Variants in DAGLB observed in about 807,000 individuals in gnomAD.
The protein encoded by DAGLB is diacylglycerol lipase beta.
DAGLB carries 66 observed loss-of-function variants against 72.1 expected under a neutral mutation model. The ratio of observed to expected loss-of-function variants is 0.92; its 90% CI spans 0.75 to 1.12. The LOEUF (loss-of-function observed/expected upper bound fraction) is 1.12, where lower values mean the gene tolerates loss of function less well. Ranked by LOEUF, DAGLB falls within the 50% of genes most tolerant of loss-of-function variation. The pLI is 0.00. For synonymous variants in DAGLB, 414 were observed against 359.5 expected, an observed-to-expected ratio of 1.15 and a Z score of -1.71; for missense variants, 1,065 against 884.9, an observed-to-expected ratio of 1.20 and a Z score of -2.58.
At chr7:6,430,443 A>T in intron 6 of DAGLB, 37 bp downstream of exon 6, 1 of 1,422,356 alleles carries the variant, frequency 7.0e-7, no homozygotes, top group Non-Finnish European at 9.3e-7. Flanking sequence ...TTTTTAAGGG[A>T]AATATGGCTA....
chr7:6,421,980 A>G, intron 8 of DAGLB, 176 bp from the exon 9 acceptor site: 1 of 742,478 alleles, frequency 1.3e-6, no homozygotes, highest in Non-Finnish European at 2.3e-6. Context: ...GTGGCTCCTG[A>G]GGGCCCTGAT....
rs1379222612 is a variant in DAGLB, at chr7:6,409,973, T to C, written c.1883A>G (p.Lys628Arg). 11 of 1,614,140 alleles carry C rather than the reference T, an allele frequency of 6.8e-6. No individual in the cohort carries two copies. Among genetic ancestry groups the C allele is most frequent in the Non-Finnish European group, 9.3e-6 (11 of 1,180,034 alleles). The change falls in exon 15 of 15, where the codon AAA becomes AGA. Residue 628 changes from lysine (K) to arginine (R), a missense_variant. Lys to Arg is a conservative substitution (Grantham distance 26). Coordinates refer to ENST00000297056, the MANE Select transcript of DAGLB (RefSeq NM_139179.4). Reference sequence around the variant, plus strand: ...GAGCATCTTCGGACCTATGAGTATTTTGCTGAATTCCGCTTCGTGTGACCA... The same window carrying C: ...GAGCATCTTCGGACCTATGAGTATTCTGCTGAATTCCGCTTCGTGTGACCA... Reference protein sequence around the residue: ...AKWSHEAEFSKILIGPKMLTD... With the variant: ...AKWSHEAEFSRILIGPKMLTD...
intron 2 of DAGLB, among the ~76,000 whole-genome samples, chr7:6,444,847 A>C (rs2115301521): frequency 6.6e-6 from 1 of 152,318 alleles, no homozygotes; most frequent in South Asian, 2.1e-4. Flanking sequence ...CAGAGGTTAC[A>C]GTGAGCCGAG....
chr7:6,426,039 G>T lies in DAGLB; in HGVS notation c.1005C>A (p.His335Gln). 1 of 1,614,166 alleles carries T rather than the reference G, an allele frequency of 6.2e-7. No individual in the cohort carries two copies. The change falls in exon 7 of 15, where the codon CAC becomes CAA. Residue 335 changes from histidine to glutamine, a missense_variant. Transcript: ENST00000297056. ...AGTCCCTGTACTGCAGCCCTGTGGT[G>T]TGCAGGATGGAGCCGAAGTGACAGT... ...QLNCHFGSIL[H>Q]TTGLQYRDFI...
chr7:6,410,969 C>T (rs1387636105), intron 13 of DAGLB, among the ~76,000 whole-genome samples: 1 of 150,222 alleles, frequency 6.7e-6, no homozygotes, highest in African/African-American at 2.4e-5. Flanking sequence ...TCTGCAAGCT[C>T]CGCCTCCCGG....
intron 4 of DAGLB, 128 bp from the exon 5 acceptor site, chr7:6,433,087 G>A: frequency 1.4e-6 from 2 of 1,379,854 alleles, no homozygotes; most frequent in South Asian, 1.5e-5. Context: ...ACAGAGGTAT[G>A]TTAAAAAGAC....
chr7:6,436,816 C>G (rs890099319), intron 2 of DAGLB, among the ~76,000 whole-genome samples: 3 of 151,876 alleles, frequency 2.0e-5, no homozygotes, highest in South Asian at 2.1e-4. Flanking sequence ...ATGGCCCAAA[C>G]TGGTATACTT....
chr7:6,416,969 G>A, intron 9 of DAGLB, 48 bp from the exon 10 acceptor site: 1 of 1,602,534 alleles, frequency 6.2e-7, no homozygotes, highest in Non-Finnish European at 8.5e-7. Context: ...AGACAAGGCA[G>A]GCCCAGCAGA....
intron 12 of DAGLB, 21 bp from the exon 13 acceptor site, chr7:6,412,904 C>A (rs777982248): frequency 3.7e-6 from 6 of 1,611,840 alleles, no homozygotes; most frequent in Non-Finnish European, 5.1e-6. Flanking sequence ...AAGGGGCACA[C>A]TGAGGCTGGG....
chr7:6,433,453 T>C (rs1370981751), intron 4 of DAGLB, among the ~76,000 whole-genome samples: 1 of 151,834 alleles, frequency 6.6e-6, no homozygotes, highest in African/African-American at 2.4e-5. Flanking sequence ...CAACAGAGAG[T>C]GAGTCTTCTT....
Position 6,436,360 on chromosome 7 carries a change from A to G in DAGLB, c.419+2T>C. 2 of 1,603,856 alleles carry G rather than the reference A, an allele frequency of 1.2e-6. No individual in the cohort carries two copies. Among genetic ancestry groups the G allele is most frequent in the Non-Finnish European group, 1.7e-6 (2 of 1,176,754 alleles). On this transcript the variant is annotated splice_donor_variant, in intron 3 of 14. Coordinates refer to ENST00000297056, the MANE Select transcript of DAGLB (RefSeq NM_139179.4). LOFTEE classifies it high-confidence loss of function. ...ACTCAAAGAGAAGAAGGGAGATGTCACCTGACCACGACGGTTGCGATGATG... is the reference window on the plus strand; with the variant it reads ...ACTCAAAGAGAAGAAGGGAGATGTCGCCTGACCACGACGGTTGCGATGATG...
At chr7:6,435,693 A>T (rs1784632985) in intron 3 of DAGLB, among the ~76,000 whole-genome samples, 1 of 152,118 alleles carries the variant, frequency 6.6e-6, no homozygotes, top group Non-Finnish European at 1.5e-5. Context: ...TCATGAAGGT[A>T]TCACAGAGTA....
rs112547697 is a variant in DAGLB at position 6,436,100 on chromosome 7, AAG to A, written c.419+260_419+261del. Among the ~76,000 whole-genome samples the A allele has an allele frequency of 7.9e-4, 120 of 152,190 alleles. 1 individual carries two copies. Among genetic ancestry groups the A allele is most frequent in the Non-Finnish European group, 1.2e-3 (84 of 68,018 alleles). On this transcript the variant is annotated intron_variant, in intron 3 of 14. Coordinates refer to ENST00000297056, the MANE Select transcript of DAGLB (RefSeq NM_139179.4). ...CTTTAAGAAAAAAAGAAAAAAAAAA[AAG>A]AGAGAGAGACAGAAGGGAATGTAGA... is the stretch of plus-strand genomic sequence containing the variant.
At chr7:6,422,971 C>T (rs987018364) in intron 8 of DAGLB, among the ~76,000 whole-genome samples, 3 of 152,188 alleles carry the variant, frequency 2.0e-5, no homozygotes, top group African/African-American at 4.8e-5. Context: ...AGATCCGATC[C>T]GTGTTCTAGA....
intron 11 of DAGLB, 73 bp from the exon 12 acceptor site, chr7:6,413,107 C>A: frequency 6.6e-7 from 1 of 1,507,226 alleles, no homozygotes; most frequent in Non-Finnish European, 9.1e-7. Flanking sequence ...TGAAAGAAAT[C>A]AGTAACACTG....
intron 9 of DAGLB, chr7:6,417,128 G>A (rs1322398793): frequency 5.2e-6 from 3 of 578,378 alleles, no homozygotes; most frequent in South Asian, 2.0e-5. Flanking sequence ...AGGTGTGGTG[G>A]CGCACGCTTG....
intron 3 of DAGLB, 116 bp from the exon 4 acceptor site, chr7:6,435,136 A>T (rs1347946997): frequency 6.9e-7 from 1 of 1,448,934 alleles, no homozygotes; most frequent in African/African-American, 1.4e-5. Flanking sequence ...GGGTTCTGTT[A>T]CCGAGGAAGA....
rs1280678416 is a variant in DAGLB, at chr7:6,421,822, C to G, written c.1141-18G>C. On this transcript the variant is annotated intron_variant, in intron 8 of 14. Transcript: ENST00000297056. ...AGGACATCCTGTAAAAAGGGCGTTG[C>G]AGAAGCGGCCGTCAGCCTGTGATGG... 1.8e-5 allele frequency: 29 copies of G among 1,611,062 alleles called. No individual in the cohort carries two copies. Among genetic ancestry groups the G allele is most frequent in the African/African-American group, 4.0e-5 (3 of 74,886 alleles).
At chr7:6,419,795 T>C (rs1784047458) in intron 9 of DAGLB, among the ~76,000 whole-genome samples, 1 of 152,162 alleles carries the variant, frequency 6.6e-6, no homozygotes, top group African/African-American at 2.4e-5. Context: ...AGTTCCTCCT[T>C]TCCTCACACA....
Sources: allele counts gnomAD v4.1 joint callset (sites outside exome capture counted in the v4.1 genomes callset), GRCh38; gene constraint gnomAD v4.1.1; transcripts MANE v1.5; gene names NCBI Gene and HGNC (gene_info 2026-07-23, HGNC 2026-07-21).